The following PRR16 variants were observed in gnomAD, a reference collection of about 807,000 sequenced individuals.
PRR16 encodes the protein proline rich 16, also known as protein Largen.
A neutral mutation model predicts 18.2 loss-of-function variants in PRR16; 6 were observed. The ratio of observed to expected loss-of-function variants is 0.33; its 90% CI spans 0.18 to 0.65. PRR16 has a LOEUF of 0.65. Among genes scored for constraint, PRR16 ranks in the 30% least tolerant of loss-of-function variants. The pLI, the probability that PRR16 is intolerant of heterozygous loss-of-function variation, is 0.74. For missense variants in PRR16, 412 were observed against 376.6 expected, an observed-to-expected ratio of 1.09 and a Z score of -0.78; for synonymous variants, 151 against 147.8, an observed-to-expected ratio of 1.02 and a Z score of -0.16.
chr5:120,503,590 C>T (rs1272857533), intron 1 of PRR16, among the ~76,000 whole-genome samples: 1 of 152,084 alleles, frequency 6.6e-6, no homozygotes, highest in Non-Finnish European at 1.5e-5. Context: ...AGGAGTTACA[C>T]TTCTTTAGGG....
At chr5:120,516,735 T>C (rs1009287477) in intron 1 of PRR16, among the ~76,000 whole-genome samples, 10 of 152,000 alleles carry the variant, frequency 6.6e-5, no homozygotes, top group African/African-American at 2.4e-4. Context: ...TATGTTGCCA[T>C]GGATTGGTGA....
the PRR16 span, among the ~76,000 whole-genome samples, chr5:120,735,111 T>C: frequency 6.6e-6 from 1 of 152,330 alleles, no homozygotes; most frequent in Non-Finnish European, 1.5e-5. Context: ...GAAGCATATG[T>C]ATTTGTCTTT....
At chr5:120,683,320 G>A (rs1024495470) in intron 1 of PRR16, among the ~76,000 whole-genome samples, 6 of 151,916 alleles carry the variant, frequency 3.9e-5, no homozygotes, top group East Asian at 1.9e-4. Flanking sequence ...GTGAAATCCC[G>A]TCTCTTTTTG....
intron 1 of PRR16, among the ~76,000 whole-genome samples, chr5:120,497,785 A>T (rs1322391927): frequency 6.6e-6 from 1 of 151,586 alleles, no homozygotes; most frequent in African/African-American, 2.4e-5. Context: ...AACATATCAT[A>T]TTATTTAATA....
chr5:120,704,403 A>G, the PRR16 span, among the ~76,000 whole-genome samples: 3 of 152,106 alleles, frequency 2.0e-5, no homozygotes, highest in Non-Finnish European at 4.4e-5. Context: ...GAAAGAATGC[A>G]GGGTTTCTAT....
At chr5:120,597,120 G>A (rs11241557) in intron 1 of PRR16, among the ~76,000 whole-genome samples, 3 of 151,380 alleles carry the variant, frequency 2.0e-5, no homozygotes, top group Non-Finnish European at 3.0e-5. Flanking sequence ...TTTTGCTTAC[G>A]TAAGTTATAT....
chr5:120,491,990 C>G (rs1456370396), intron 1 of PRR16, among the ~76,000 whole-genome samples: 1 of 151,934 alleles, frequency 6.6e-6, no homozygotes, highest in Non-Finnish European at 1.5e-5. Context: ...TAGAATGACA[C>G]AATTACCAAT....
intron 1 of PRR16, among the ~76,000 whole-genome samples, chr5:120,491,670 A>C (rs1165894210): frequency 6.6e-6 from 1 of 151,978 alleles, no homozygotes; most frequent in African/African-American, 2.4e-5. Context: ...CATACTCCTG[A>C]GTAGCTGGGA....
intron 1 of PRR16, among the ~76,000 whole-genome samples, chr5:120,661,676 TC>T: frequency 6.6e-6 from 1 of 152,116 alleles, no homozygotes; most frequent in Non-Finnish European, 1.5e-5. Flanking sequence ...TTGGGTACTG[TC>T]CTCCAGAACA....
At chr5:120,477,741 T>C (rs942848647) in intron 1 of PRR16, among the ~76,000 whole-genome samples, 7 of 152,314 alleles carry the variant, frequency 4.6e-5, no homozygotes, top group Non-Finnish European at 7.3e-5. Flanking sequence ...TTCCTTGTTA[T>C]GGTTCTAATG....
intron 1 of PRR16, among the ~76,000 whole-genome samples, chr5:120,604,317 G>T (rs1475209581): frequency 6.6e-6 from 1 of 151,832 alleles, no homozygotes; most frequent in East Asian, 1.9e-4. Flanking sequence ...ATCCTTCCTT[G>T]TCCTTTTTTA....
intron 1 of PRR16, among the ~76,000 whole-genome samples, chr5:120,601,996 G>A (rs1584468): frequency 0.091 from 13,875 of 152,018 alleles, 1,359 homozygotes; most frequent in African/African-American, 0.25. Flanking sequence ...GTCAGGTAGT[G>A]TGATGGCCCA....
chr5:120,494,248 T>G (rs560783076), intron 1 of PRR16, among the ~76,000 whole-genome samples: 1 of 152,142 alleles, frequency 6.6e-6, no homozygotes, highest in Non-Finnish European at 1.5e-5. Context: ...TACCTCATTG[T>G]GGTTTTAACT....
chr5:120,544,377 G>A (rs935691306), intron 1 of PRR16, among the ~76,000 whole-genome samples: 13 of 152,006 alleles, frequency 8.6e-5, no homozygotes, highest in African/African-American at 2.4e-4. Context: ...TCAGTATGCC[G>A]GAACCCATCC....
At chr5:120,534,406 A>G (rs2112671707) in intron 1 of PRR16, among the ~76,000 whole-genome samples, 1 of 152,308 alleles carries the variant, frequency 6.6e-6, no homozygotes, top group Non-Finnish European at 1.5e-5. Flanking sequence ...TATAAGGGAT[A>G]TAAATGTGAT....
At chr5:120,612,421 G>A (rs1400225513) in intron 1 of PRR16, among the ~76,000 whole-genome samples, 1 of 152,138 alleles carries the variant, frequency 6.6e-6, no homozygotes, top group Non-Finnish European at 1.5e-5. Flanking sequence ...AACTTGAATT[G>A]TATCTCCCAG....
At chr5:120,727,095 C>A in the PRR16 span, among the ~76,000 whole-genome samples, 1 of 152,054 alleles carries the variant, frequency 6.6e-6, no homozygotes, top group Non-Finnish European at 1.5e-5. Flanking sequence ...GAATGATCAA[C>A]TTTCTGTCCC....
At chr5:120,622,999 GA>G (rs1254550114) in intron 1 of PRR16, among the ~76,000 whole-genome samples, 1 of 151,982 alleles carries the variant, frequency 6.6e-6, no homozygotes. Context: ...TGGAATTAGG[GA>G]TTAATTTATG....
At chr5:120,526,814 G>T (rs540677666) in intron 1 of PRR16, among the ~76,000 whole-genome samples, 1 of 152,078 alleles carries the variant, frequency 6.6e-6, no homozygotes, top group Non-Finnish European at 1.5e-5. Context: ...GGCCAGGATG[G>T]TCTCAATCTC....
Sources: allele counts gnomAD v4.1 joint callset (sites outside exome capture counted in the v4.1 genomes callset), GRCh38; gene constraint gnomAD v4.1.1; transcripts MANE v1.5; gene names NCBI Gene and HGNC (gene_info 2026-07-23, HGNC 2026-07-21).